ADAM12: variants seen among roughly 807,000 people sequenced by gnomAD.
ADAM12 encodes the protein ADAM metallopeptidase domain 12.
ADAM12 carries 70 observed loss-of-function variants against 106.4 expected under a neutral mutation model. That is an observed-to-expected ratio of 0.66 (90% CI 0.54 to 0.80). The LOEUF is 0.80. ADAM12 is among the 30% of genes least tolerant of loss of function. The pLI is 0.00. For synonymous variants in ADAM12, 420 were observed against 433.5 expected, an observed-to-expected ratio of 0.97 and a Z score of 0.39; for missense variants, 1,010 against 1,171.9, an observed-to-expected ratio of 0.86 and a Z score of 2.02.
At chr10:126,074,888 A>C (rs1159072849) in intron 11 of ADAM12, among the ~76,000 whole-genome samples, 1 of 152,166 alleles carries the variant, frequency 6.6e-6, no homozygotes, top group Non-Finnish European at 1.5e-5. Context: ...GCCTGAGCTC[A>C]CCAGCATGCC....
chr10:126,105,363 A>C (rs1177642289), intron 8 of ADAM12, among the ~76,000 whole-genome samples: 3 of 152,116 alleles, frequency 2.0e-5, no homozygotes, highest in Admixed American at 2.0e-4. Context: ...ATAGTTTATC[A>C]TTTCCTTTTG....
chr10:126,249,681 C>T (rs1284099432), intron 3 of ADAM12, among the ~76,000 whole-genome samples: 1 of 152,092 alleles, frequency 6.6e-6, no homozygotes, highest in African/African-American at 2.4e-5. Context: ...TCCAGTCTGC[C>T]AGACTCCGTC....
chr10:126,187,811 A>T (rs1957427389), intron 3 of ADAM12, among the ~76,000 whole-genome samples: 1 of 152,190 alleles, frequency 6.6e-6, no homozygotes, highest in Non-Finnish European at 1.5e-5. Flanking sequence ...AGGAGTTTTG[A>T]AGACCTCCTT....
At chr10:126,325,418 G>T (rs1180333440) in intron 2 of ADAM12, among the ~76,000 whole-genome samples, 1 of 152,320 alleles carries the variant, frequency 6.6e-6, no homozygotes, top group South Asian at 2.1e-4. Flanking sequence ...AATGGGGATG[G>T]TTATTGGAGG....
At chr10:126,210,382 T>G (rs1381490318) in intron 3 of ADAM12, among the ~76,000 whole-genome samples, 3 of 152,174 alleles carry the variant, frequency 2.0e-5, no homozygotes, top group Non-Finnish European at 2.9e-5. Context: ...TCTTCCTCAC[T>G]GCTCTGGACA....
intron 14 of ADAM12, among the ~76,000 whole-genome samples, chr10:126,062,380 G>A (rs1484362500): frequency 6.6e-6 from 1 of 152,110 alleles, no homozygotes; most frequent in Non-Finnish European, 1.5e-5. Context: ...TCCCAGGGAA[G>A]CCCCCTCCTT....
intron 11 of ADAM12, among the ~76,000 whole-genome samples, chr10:126,073,960 G>C (rs1955050581): frequency 6.6e-6 from 1 of 152,200 alleles, no homozygotes; most frequent in Non-Finnish European, 1.5e-5. Flanking sequence ...AGGGACTTAA[G>C]AGCAGTTCTT....
chr10:126,281,907 T>G (rs1211146104), intron 2 of ADAM12, among the ~76,000 whole-genome samples: 1 of 152,212 alleles, frequency 6.6e-6, no homozygotes, highest in Non-Finnish European at 1.5e-5. Flanking sequence ...ATAAAATGTA[T>G]AAGTACAATT....
In ADAM12 at chr10:126,169,934, T is replaced by C. The variant is rs1277725767; in HGVS notation, c.261-14629A>G. ...GAGTCTTCTGATGTAGATTGGCATCTTCCGCCTAGCCCAAAGCAGGGGGTC... is the reference window on the plus strand; with the variant it reads ...GAGTCTTCTGATGTAGATTGGCATCCTCCGCCTAGCCCAAAGCAGGGGGTC... On this transcript the variant is annotated intron_variant, in intron 3 of 22. Coordinates refer to ENST00000448723, the MANE Select transcript of ADAM12 (RefSeq NM_001288973.2). 4.6e-5 allele frequency among the ~76,000 whole-genome samples: 7 copies of C among 152,368 alleles called. No homozygotes were observed. The East Asian group carries it at 1.3e-3, about 29-fold the overall frequency.
At chr10:126,268,791 A>C (rs1959150983) in intron 3 of ADAM12, among the ~76,000 whole-genome samples, 1 of 152,164 alleles carries the variant, frequency 6.6e-6, no homozygotes, top group South Asian at 2.1e-4. Context: ...CTGGGGCATG[A>C]TACTGTAAGA....
At position 126,310,927 on chromosome 10, in the gene ADAM12, C is replaced by T. The variant is rs185998072; in HGVS notation, c.186+19485G>A. 5.9e-5 allele frequency among the ~76,000 whole-genome samples: 9 copies of T among 152,134 alleles called. No homozygotes were observed. The East Asian group carries it at 1.6e-3, about 26-fold the overall frequency. On this transcript the variant is annotated intron_variant, in intron 2 of 22. Coordinates refer to ENST00000448723, the MANE Select transcript of ADAM12 (RefSeq NM_001288973.2). ...TTATTGTGCAAGGGGATATGGTGGA[C>T]CCTAAGGAGCAGGAAAGAAGTCCCT...
intron 3 of ADAM12, among the ~76,000 whole-genome samples, chr10:126,200,854 C>T (rs1018892664): frequency 6.2e-5 from 9 of 146,178 alleles, no homozygotes; most frequent in Non-Finnish European, 8.8e-5. Flanking sequence ...ATTTTGTGTA[C>T]GTGATGGGGG....
At chr10:126,373,803 A>G (rs917441022) in intron 1 of ADAM12, among the ~76,000 whole-genome samples, 4 of 152,244 alleles carry the variant, frequency 2.6e-5, no homozygotes, top group Non-Finnish European at 4.4e-5. Context: ...AAAGGAAATT[A>G]TCAGGGAATT....
At chr10:126,219,615 A>T (rs1288247235) in intron 3 of ADAM12, among the ~76,000 whole-genome samples, 1 of 152,202 alleles carries the variant, frequency 6.6e-6, no homozygotes, top group Non-Finnish European at 1.5e-5. Context: ...ACCTTAGTTG[A>T]ATATAATAGT....
chr10:126,359,417 G>A (rs1293908175), intron 1 of ADAM12, among the ~76,000 whole-genome samples: 1 of 152,180 alleles, frequency 6.6e-6, no homozygotes, highest in African/African-American at 2.4e-5. Context: ...TCAAAAGCAA[G>A]TTAGTTACTT....
At chr10:126,182,782 C>A (rs556839718) in intron 3 of ADAM12, among the ~76,000 whole-genome samples, 4 of 152,238 alleles carry the variant, frequency 2.6e-5, no homozygotes, top group Non-Finnish European at 5.9e-5. Context: ...CTTGGATGAC[C>A]CCCAGTCTAA....
intron 3 of ADAM12, among the ~76,000 whole-genome samples, chr10:126,267,625 A>G (rs1462468786): frequency 6.6e-6 from 1 of 152,162 alleles, no homozygotes; most frequent in Non-Finnish European, 1.5e-5. Context: ...GGCGGAGCTC[A>G]GGCAGTAATC....
rs377127001 is a variant in ADAM12, at chr10:126,230,470, T to G, written c.260+48445A>C. 8.0e-4 allele frequency among the ~76,000 whole-genome samples: 122 copies of G among 152,342 alleles called. 1 individual carries two copies. In the South Asian group the frequency reaches 0.024, roughly 30 times the overall value. On this transcript the variant is annotated intron_variant, in intron 3 of 22. Coordinates refer to ENST00000448723, the MANE Select transcript of ADAM12 (RefSeq NM_001288973.2). ...GTATGTTTAATATTCTTAATATGTA[T>G]TTCTAAACTGCTCTACCAAAGGGTG...
At chr10:126,082,308 G>C (rs1228975080) in intron 11 of ADAM12, among the ~76,000 whole-genome samples, 1 of 150,772 alleles carries the variant, frequency 6.6e-6, no homozygotes, top group African/African-American at 2.4e-5. Context: ...AGCTCAGAGT[G>C]AGACGTGGCC....
Sources: allele counts gnomAD v4.1 joint callset (sites outside exome capture counted in the v4.1 genomes callset), GRCh38; gene constraint gnomAD v4.1.1; transcripts MANE v1.5; gene names NCBI Gene and HGNC (gene_info 2026-07-23, HGNC 2026-07-21).